Variants in PTPRN2 observed in about 807,000 individuals in gnomAD.
The protein encoded by PTPRN2 is protein tyrosine phosphatase receptor type N2.
Under a neutral mutation model 118.8 loss-of-function variants are expected in PTPRN2, and 74 were observed. That is an observed-to-expected ratio of 0.62 (90% CI 0.52 to 0.76). The LOEUF (loss-of-function observed/expected upper bound fraction) is 0.76. Ranked by LOEUF, PTPRN2 falls within the 30% of genes least tolerant of loss-of-function variation. PTPRN2 has a pLI of 0.00. For synonymous variants in PTPRN2, 641 were observed against 608.0 expected (o/e 1.05, Z -0.80); for missense variants, 1,481 against 1,394.4 (o/e 1.06, Z -0.99).
intron 5 of PTPRN2, among the ~76,000 whole-genome samples, chr7:158,169,793 G>C (rs967091840): frequency 5.9e-5 from 9 of 151,996 alleles, no homozygotes; most frequent in African/African-American, 2.2e-4. Flanking sequence ...TGGGGTTCAA[G>C]CGACTCTCCT....
chr7:158,272,518 A>G (rs1265893576), intron 3 of PTPRN2, among the ~76,000 whole-genome samples: 3 of 152,188 alleles, frequency 2.0e-5, no homozygotes, highest in African/African-American at 7.2e-5. Flanking sequence ...TACAGTCTGC[A>G]TGGAACTTCC....
chr7:157,642,828 AAAAAAAAAAAAAAAAAG>A (rs1374635228), intron 14 of PTPRN2, among the ~76,000 whole-genome samples: 2 of 141,132 alleles, frequency 1.4e-5, no homozygotes, highest in Non-Finnish European at 1.5e-5. Flanking sequence ...AAAAAAAAAA[AAAAAAAAAAAAAAAAAG>A]CAGCTAAAAC....
At chr7:158,313,865 T>C (rs1238808395) in intron 3 of PTPRN2, among the ~76,000 whole-genome samples, 1 of 152,226 alleles carries the variant, frequency 6.6e-6, no homozygotes, top group Non-Finnish European at 1.5e-5. Flanking sequence ...AACTCATCTC[T>C]GTTGGGGAAT....
At chr7:158,425,126 G>A (rs968019706) in intron 2 of PTPRN2, among the ~76,000 whole-genome samples, 1 of 152,248 alleles carries the variant, frequency 6.6e-6, no homozygotes, top group African/African-American at 2.4e-5. Flanking sequence ...AAAACAATAG[G>A]CTGAAAGTCC....
intron 11 of PTPRN2, among the ~76,000 whole-genome samples, chr7:157,900,483 C>G (rs1797379245): frequency 6.6e-6 from 1 of 152,224 alleles, no homozygotes; most frequent in African/African-American, 2.4e-5. Context: ...CCTCTGGCTC[C>G]AAATCCAGAC....
chr7:158,282,692 C>T (rs896781789), intron 3 of PTPRN2, among the ~76,000 whole-genome samples: 10 of 151,604 alleles, frequency 6.6e-5, no homozygotes, highest in African/African-American at 1.9e-4. Flanking sequence ...CCACACACAG[C>T]AGCCGGACAG....
chr7:158,334,925 GCGC>G (rs1805294165), intron 2 of PTPRN2, among the ~76,000 whole-genome samples: 1 of 11,790 alleles, frequency 8.5e-5, no homozygotes, highest in African/African-American at 2.1e-4. Context: ...CTCACCATAA[GCGC>G]TGTCGTCCGG....
chr7:158,149,040 C>G (rs1458836057), intron 6 of PTPRN2, among the ~76,000 whole-genome samples: 2 of 130,054 alleles, frequency 1.5e-5, no homozygotes, highest in Non-Finnish European at 1.6e-5. Flanking sequence ...GTCTTTCCCT[C>G]TCACTGACAC....
intron 2 of PTPRN2, among the ~76,000 whole-genome samples, chr7:158,337,734 C>T (rs1586356466): frequency 9.4e-5 from 14 of 148,464 alleles, no homozygotes; most frequent in African/African-American, 3.0e-4. Context: ...ACGTCACTCA[C>T]AACCACACTC....
At chr7:157,919,067 C>T (rs935668543) in intron 11 of PTPRN2, among the ~76,000 whole-genome samples, 5 of 152,204 alleles carry the variant, frequency 3.3e-5, no homozygotes, top group Admixed American at 6.5e-5. Context: ...AGAAACAAGT[C>T]TCCCTAGCTC....
At chr7:157,728,241 A>G (rs1052959099) in intron 12 of PTPRN2, among the ~76,000 whole-genome samples, 4 of 152,190 alleles carry the variant, frequency 2.6e-5, no homozygotes, top group African/African-American at 4.8e-5. Flanking sequence ...TCCTGCAATC[A>G]TGCCTTGTAC....
At chr7:158,151,353 G>A (rs367637208) in intron 6 of PTPRN2, among the ~76,000 whole-genome samples, 19 of 23,636 alleles carry the variant, frequency 8.0e-4, no homozygotes, top group East Asian at 2.6e-3. Flanking sequence ...CACACCGCCC[G>A]CCTTTCTGCT....
At chr7:158,516,896 C>T (rs960452457) in intron 1 of PTPRN2, among the ~76,000 whole-genome samples, 5 of 152,156 alleles carry the variant, frequency 3.3e-5, no homozygotes, top group Admixed American at 1.3e-4. Context: ...GCCTATTGTT[C>T]CTGGTGCTGT....
chr7:158,449,571 C>T (rs890526462), intron 2 of PTPRN2, among the ~76,000 whole-genome samples: 5 of 151,590 alleles, frequency 3.3e-5, no homozygotes, highest in African/African-American at 1.2e-4. Flanking sequence ...ACACATAGCG[C>T]GGGCCGAGAC....
In PTPRN2 at chr7:158,318,690, G is replaced by A. The variant is rs1802554965; in HGVS notation, c.164-1758C>T. Among the ~76,000 whole-genome samples the A allele has an allele frequency of 2.0e-5, 3 of 152,234 alleles. No homozygotes were observed. The South Asian group carries it at 6.2e-4, about 32-fold the overall frequency. On this transcript the variant is annotated intron_variant, in intron 2 of 22. Transcript: ENST00000389418. The stretch of plus-strand genomic sequence containing the variant: ...GAAGGCGCTCTCGGCCGGCCCCAGA[G>A]CAGTGACGGTGCCGGCTGCCTGCAG...
chr7:157,962,467 A>G (rs776777191), intron 11 of PTPRN2, among the ~76,000 whole-genome samples: 4 of 152,226 alleles, frequency 2.6e-5, no homozygotes, highest in African/African-American at 4.8e-5. Flanking sequence ...CAGGTCTCTC[A>G]TTATTAGAGG....
chr7:157,665,002 G>C (rs1042176096), intron 13 of PTPRN2, among the ~76,000 whole-genome samples: 2 of 152,200 alleles, frequency 1.3e-5, no homozygotes, highest in African/African-American at 4.8e-5. Flanking sequence ...TGGGCCACAC[G>C]AGCCTGCTGA....
chr7:157,591,006 A>T lies in PTPRN2; in HGVS notation c.2496+4232T>A, dbSNP rs933513810. Among the ~76,000 whole-genome samples, 3 of 152,074 alleles carry T rather than the reference A, an allele frequency of 2.0e-5. No homozygotes were observed. Among genetic ancestry groups the T allele is most frequent in the African/African-American group, 7.2e-5 (3 of 41,392 alleles). On this transcript the variant is annotated intron_variant, in intron 17 of 22. Coordinates refer to ENST00000389418, the MANE Select transcript of PTPRN2 (RefSeq NM_002847.5). The surrounding 1 kb of genome is among the most constrained non-coding windows in gnomAD (Gnocchi z 4.4). ...ACCTGGAACCCATGAATGTGGTCTT[A>T]TTTGGAAATAGGGTCTTTGCATATG...
intron 19 of PTPRN2, chr7:157,574,558 A>G (rs1190383720): frequency 1.4e-5 from 4 of 286,206 alleles, no homozygotes; most frequent in African/African-American, 2.1e-5. Context: ...AAGCCCTCAC[A>G]TGTGATGCTA....
Sources: gnomAD v4.1 joint callset for allele counts (sites outside exome capture counted in the v4.1 genomes callset) on GRCh38, gnomAD v4.1.1 for gene constraint, Gnocchi (gnomAD v3.1) non-coding constraint, MANE v1.5 for transcripts, NCBI Gene and HGNC (gene_info 2026-07-23, HGNC 2026-07-21) for gene names.